The following MYBPC2 variants were observed in gnomAD, a reference collection of about 807,000 sequenced individuals.
MYBPC2 encodes myosin-binding protein C, fast-type.
MYBPC2 carries 122 observed loss-of-function variants against 137.0 expected under a neutral mutation model. That is an observed-to-expected ratio of 0.89 (90% CI 0.77 to 1.03). The LOEUF is 1.03. Ranked by LOEUF, MYBPC2 falls within the 50% of genes least tolerant of loss-of-function variation. The pLI, the probability that MYBPC2 is intolerant of heterozygous loss-of-function variation, is 0.00. For synonymous variants in MYBPC2, 626 were observed against 612.3 expected (o/e 1.02, Z -0.33); for missense variants, 1,500 against 1,534.4 (o/e 0.98, Z 0.37).
intron 12 of MYBPC2, among the ~76,000 whole-genome samples, chr19:50,447,062 C>G (rs2039812704): frequency 6.6e-6 from 1 of 152,012 alleles, no homozygotes; most frequent in Non-Finnish European, 1.5e-5. Flanking sequence ...GGCCTTCCTT[C>G]CCTCATGCCT....
At chr19:50,443,390 T>TGAGA (rs147720211) in intron 9 of MYBPC2, 104 bp from the exon 10 acceptor site, 15 of 1,329,622 alleles carry the variant, frequency 1.1e-5, no homozygotes, top group Middle Eastern at 2.1e-4. Flanking sequence ...AATTTGGCTC[T>TGAGA]GAGAGAGAGA....
intron 20 of MYBPC2, 105 bp from the exon 21 acceptor site, chr19:50,458,482 C>T: frequency 1.5e-6 from 2 of 1,367,368 alleles, no homozygotes; most frequent in Admixed American, 2.3e-5. Context: ...TGGGAACTTA[C>T]TCAGTGCTCA....
intron 12 of MYBPC2, among the ~76,000 whole-genome samples, chr19:50,447,407 G>A (rs2039815822): frequency 6.6e-6 from 1 of 152,046 alleles, no homozygotes; most frequent in Non-Finnish European, 1.5e-5. Flanking sequence ...AACAAATGAT[G>A]GTATTTCCAT....
intron 11 of MYBPC2, among the ~76,000 whole-genome samples, chr19:50,444,294 C>T (rs747324498): frequency 1.4e-3 from 74 of 54,008 alleles, no homozygotes; most frequent in Non-Finnish European, 2.2e-3. Flanking sequence ...ATCCATTCAT[C>T]CATCCATCCA....
chr19:50,455,806 G>C (rs2039905063), intron 20 of MYBPC2, among the ~76,000 whole-genome samples, 162 bp downstream of exon 20: 1 of 152,150 alleles, frequency 6.6e-6, no homozygotes, highest in Admixed American at 6.6e-5. Flanking sequence ...ACCCCCCTGT[G>C]ACTAGTGTGT....
Position 50,435,020 on chromosome 19 carries a change from G to T in MYBPC2, c.20-141G>T, listed in dbSNP as rs891413904. ...GGAGGGGCTGGGGGCCTGGACTCCT[G>T]GGTCTGAGGGAGGAGGGGCTGGGGG... On this transcript the variant is annotated intron_variant, in intron 1 of 27. Transcript: ENST00000357701. The surrounding 1 kb of genome is among the most constrained non-coding windows in gnomAD (Gnocchi z 4.8). 11 of 636,154 alleles carry T rather than the reference G, an allele frequency of 1.7e-5. No homozygotes were observed. In the Admixed American group the frequency reaches 2.4e-4, roughly 14 times the overall value. 39.4% of individuals were successfully genotyped at this position (636,154 alleles called of 1,614,324 possible).
intron 1 of MYBPC2, among the ~76,000 whole-genome samples, chr19:50,433,774 C>G (rs548386019): frequency 6.6e-6 from 1 of 152,108 alleles, no homozygotes. Context: ...GGCCACTTCT[C>G]TGAGTGAAGA....
At position 50,435,314 on chromosome 19, in the gene MYBPC2, C is replaced by T. The variant is rs998996443; in HGVS notation, c.109+64C>T. On this transcript the variant is annotated intron_variant, in intron 2 of 27. Transcript: ENST00000357701. The surrounding 1 kb of genome is among the most constrained non-coding windows in gnomAD (Gnocchi z 4.8). The stretch of plus-strand genomic sequence containing the variant: ...CTCATCTCCATCCTCCTCGCTACGC[C>T]TCTCCAGGCCTTTCCCCAGCCTCTA... The T allele has an allele frequency of 5.6e-6, 4 of 710,702 alleles. No homozygotes were observed. Among genetic ancestry groups the T allele is most frequent in the Admixed American group, 2.2e-5 (1 of 46,030 alleles). 44.0% of individuals were successfully genotyped at this position (710,702 alleles called of 1,614,324 possible).
rs952983118 is a variant in MYBPC2 at position 50,435,604 on chromosome 19, C to T, written c.110-172C>T. ...GAGCCTGGCCAAGGTCACACAGCCA[C>T]GAGGGTGACAGGTGGCCTTTCCCAG... On this transcript the variant is annotated intron_variant, in intron 2 of 27. Transcript: ENST00000357701. This position sits in a 1 kb window ranked among gnomAD's most constrained non-coding sequence, Gnocchi z 4.8. 2.0e-5 allele frequency among the ~76,000 whole-genome samples: 3 copies of T among 152,100 alleles called. No individual in the cohort carries two copies. Among genetic ancestry groups the T allele is most frequent in the Non-Finnish European group, 4.4e-5 (3 of 68,034 alleles).
At chr19:50,455,407 C>T (rs2039900167) in intron 19 of MYBPC2, 103 bp from the exon 20 acceptor site, 2 of 1,559,632 alleles carry the variant, frequency 1.3e-6, no homozygotes, top group East Asian at 2.3e-5. Context: ...CTGACCCTAC[C>T]CCCTGGCCTT....
intron 7 of MYBPC2, among the ~76,000 whole-genome samples, chr19:50,438,182 C>A (rs2039720987): frequency 6.6e-6 from 1 of 152,192 alleles, no homozygotes; most frequent in Non-Finnish European, 1.5e-5. Flanking sequence ...TGCCCAGTTG[C>A]CAATCTATCT....
In MYBPC2 at chr19:50,462,047, A is replaced by G; in HGVS notation, c.3228+11A>G. 6.4e-7 allele frequency: 1 copy of G among 1,569,542 alleles called. No individual in the cohort carries two copies. Among genetic ancestry groups the G allele is most frequent in the South Asian group, 1.2e-5 (1 of 85,228 alleles). On this transcript the variant is annotated intron_variant, in intron 26 of 27. Coordinates refer to ENST00000357701, the MANE Select transcript of MYBPC2 (RefSeq NM_004533.4). Reference sequence around the variant, plus strand: ...AGAGGCCACCCGAAGGTGCCAGGGCAGGGACCCAGATCTGCGTGTGTGTTG... The same window carrying G: ...AGAGGCCACCCGAAGGTGCCAGGGCGGGGACCCAGATCTGCGTGTGTGTTG...
chr19:50,442,142 C>T (rs2039761487), intron 8 of MYBPC2, 39 bp from the exon 9 acceptor site: 2 of 1,559,936 alleles, frequency 1.3e-6, no homozygotes, highest in Non-Finnish European at 1.7e-6. Flanking sequence ...GGAATGAGGA[C>T]CACACGCCTC....
rs747969514 is a variant in MYBPC2, at chr19:50,437,729, G to A, written c.572+11G>A. The A allele has an allele frequency of 6.3e-7, 1 of 1,598,574 alleles. No homozygotes were observed. The highest frequency in any genetic ancestry group is 1.7e-5 in the Admixed American group (1 of 57,616). On this transcript the variant is annotated intron_variant, in intron 7 of 27. Transcript: ENST00000357701. ...CCTGTTGAAGAAGAGGTGAGCCCCG[G>A]ACTTGGCACAGAGAGGGGAGATGGG...
rs1414656992 is a variant in MYBPC2, at chr19:50,441,069, G to T, written c.762G>T (p.Lys254Asn). Residue 254 changes from lysine to asparagine, a missense_variant, in exon 8 of 28, where the codon AAG (lysine) becomes AAT (asparagine). Lys to Asn is a moderately conservative substitution (Grantham distance 94). Coordinates refer to ENST00000357701, the MANE Select transcript of MYBPC2 (RefSeq NM_004533.4). The part of the protein sequence containing the change: ...RLKKAKVEVK[K>N]SAAFTKKLDP... ...AAAAGGCTAAGGTCGAGGTCAAGAAGAGTGCAGGTCAGCCCTGGTCTGGGG... is the reference window on the plus strand; with the variant it reads ...AAAAGGCTAAGGTCGAGGTCAAGAATAGTGCAGGTCAGCCCTGGTCTGGGG... 5.7e-6 allele frequency: 9 copies of T among 1,591,424 alleles called. No homozygotes were observed. Among genetic ancestry groups the T allele is most frequent in the Non-Finnish European group, 7.7e-6 (9 of 1,169,492 alleles).
rs1331993997 is a variant in MYBPC2 at position 50,443,584 on chromosome 19, G to T, written c.993G>T (p.Lys331Asn). The T allele has an allele frequency of 6.2e-7, 1 of 1,613,284 alleles. No homozygotes were observed. The highest frequency in any genetic ancestry group is 1.1e-5 in the South Asian group (1 of 90,950). ...ACGCTGCCTATGAAGTAGCTGTCAAGGATGAGAAGTGTTTCACCGAGCTCT... is the reference window on the plus strand; with the variant it reads ...ACGCTGCCTATGAAGTAGCTGTCAATGATGAGAAGTGTTTCACCGAGCTCT... ...ADDAAYEVAV[K>N]DEKCFTELFV... The change falls in exon 10 of 28, where the codon AAG becomes AAT. Residue 331 changes from lysine to asparagine, a missense_variant. By Grantham distance (94) the Lys-to-Asn change is moderately conservative. Transcript: ENST00000357701.
chr19:50,464,050 G>A (rs2039992985), intron 26 of MYBPC2, among the ~76,000 whole-genome samples: 1 of 152,134 alleles, frequency 6.6e-6, no homozygotes, highest in South Asian at 2.1e-4. Flanking sequence ...AGCCTGTTTG[G>A]CTGGAGCAGA....
intron 9 of MYBPC2, among the ~76,000 whole-genome samples, chr19:50,442,532 T>C (rs2039765803): frequency 6.6e-6 from 1 of 151,996 alleles, no homozygotes. Context: ...CTGGCTAACA[T>C]GGTGAAACCC....
Position 50,459,137 on chromosome 19 carries a change from G to A in MYBPC2, c.2622G>A (p.Trp874Ter). ...FQGKPRPQVV[W>*]TKGGAPLDTS... The stretch of plus-strand genomic sequence containing the variant: ...GAAAGCCCCGGCCCCAGGTGGTGTG[G>A]ACCAAGGGCGGGGCCCCGCTGGACA... The change falls in exon 23 of 28, where the codon TGG (tryptophan) becomes TGA (stop). Residue 874 changes from tryptophan (W) to a stop codon, truncating the protein, a stop_gained. Transcript: ENST00000357701. LOFTEE classifies it high-confidence loss of function. The A allele has an allele frequency of 1.9e-6, 3 of 1,580,766 alleles. No homozygotes were observed. The highest frequency in any genetic ancestry group is 1.2e-5 in the South Asian group (1 of 86,826).
Sources: allele counts gnomAD v4.1 joint callset (sites outside exome capture counted in the v4.1 genomes callset), GRCh38; gene constraint gnomAD v4.1.1; non-coding constraint Gnocchi (gnomAD v3.1); transcripts MANE v1.5; gene names NCBI Gene and HGNC (gene_info 2026-07-23, HGNC 2026-07-21).